COL11A1: variants seen among roughly 807,000 people sequenced by gnomAD.
COL11A1 encodes the protein collagen alpha-1(XI) chain.
Under a neutral mutation model 265.2 loss-of-function variants are expected in COL11A1, and 74 were observed. That is an observed-to-expected ratio of 0.28 (90% CI 0.23 to 0.34). COL11A1 has a LOEUF of 0.34. Ranked by LOEUF, COL11A1 falls within the 10% of genes least tolerant of loss-of-function variation. The pLI is 1.00. For synonymous variants in COL11A1, 816 were observed against 727.6 expected, an observed-to-expected ratio of 1.12 and a Z score of -1.96; for missense variants, 2,165 against 2,263.6, an observed-to-expected ratio of 0.96 and a Z score of 0.88.
intron 4 of COL11A1, among the ~76,000 whole-genome samples, chr1:103,051,594 G>T (rs962690329): frequency 1.3e-5 from 2 of 152,164 alleles, no homozygotes; most frequent in Non-Finnish European, 2.9e-5. Flanking sequence ...TATGCATGGT[G>T]CACTGCACCC....
At chr1:103,043,445 T>A (rs1668998552) in intron 4 of COL11A1, among the ~76,000 whole-genome samples, 2 of 151,932 alleles carry the variant, frequency 1.3e-5, no homozygotes. Flanking sequence ...GAATATAAAC[T>A]TCATGAGAGC....
rs964657601 is a variant in COL11A1 at position 102,987,907 on chromosome 1, G to A, written c.2395-167C>T. ...CTGGGCATGGAGCAAGCTAACATTGGGAGAAATGTACTTTATAGTTTAAAT... is the reference window on the plus strand; with the variant it reads ...CTGGGCATGGAGCAAGCTAACATTGAGAGAAATGTACTTTATAGTTTAAAT... On this transcript the variant is annotated intron_variant, in intron 29 of 66. Transcript: ENST00000370096. 2.6e-5 allele frequency among the ~76,000 whole-genome samples: 4 copies of A among 152,000 alleles called. No homozygotes were observed. In the East Asian group the frequency reaches 5.8e-4, roughly 22 times the overall value.
At chr1:102,958,489 A>G (rs953196630) in intron 41 of COL11A1, among the ~76,000 whole-genome samples, 2 of 152,176 alleles carry the variant, frequency 1.3e-5, no homozygotes, top group Non-Finnish European at 2.9e-5. Context: ...ATCAAATTTT[A>G]TGTGATGTAA....
intron 30 of COL11A1, among the ~76,000 whole-genome samples, chr1:102,984,875 A>G (rs2101719439): frequency 6.6e-6 from 1 of 152,176 alleles, no homozygotes; most frequent in South Asian, 2.1e-4. Flanking sequence ...TTCCAGTGCA[A>G]TAAGGTTACC....
chr1:102,987,494 C>T (rs919114128), intron 30 of COL11A1, 139 bp downstream of exon 30: 4 of 755,500 alleles, frequency 5.3e-6, no homozygotes, highest in Non-Finnish European at 6.8e-6. Context: ...GTAATGGTTG[C>T]AAATTTAAAA....
chr1:103,054,304 C>T (rs1311968649), intron 4 of COL11A1, among the ~76,000 whole-genome samples: 1 of 152,188 alleles, frequency 6.6e-6, no homozygotes, highest in African/African-American at 2.4e-5. Context: ...AACCAAAGAT[C>T]TACAGACAAG....
In COL11A1 at chr1:102,970,072, A is replaced by ATT; in HGVS notation, c.2862+146_2862+147insAA. 3 of 477,010 alleles carry ATT rather than the reference A, an allele frequency of 6.3e-6. No homozygotes were observed. In the East Asian group the frequency reaches 1.1e-4, roughly 18 times the overall value. The allele number at this position is 477,010 out of a possible 1,614,324, so 29.5% of individuals were successfully genotyped here. On this transcript the variant is annotated intron_variant, in intron 37 of 66. Coordinates refer to ENST00000370096, the MANE Select transcript of COL11A1 (RefSeq NM_001854.4). The stretch of plus-strand genomic sequence containing the variant: ...TATTTTTGTATTTATATATATATGT[A>ATT]TATTTCAATAAAAGGCTTAATGGAA...
intron 54 of COL11A1, among the ~76,000 whole-genome samples, chr1:102,909,089 T>A (rs1654340087): frequency 6.6e-6 from 1 of 152,320 alleles, no homozygotes; most frequent in Admixed American, 6.5e-5. Flanking sequence ...TTATTCCAAA[T>A]CTTGGCGGTA....
intron 1 of COL11A1, among the ~76,000 whole-genome samples, chr1:103,086,593 T>G (rs1672887541): frequency 6.6e-6 from 1 of 152,104 alleles, no homozygotes; most frequent in Non-Finnish European, 1.5e-5. Context: ...ATTTTTTGTA[T>G]TTTTAGTAGA....
At chr1:102,975,665 A>G (rs1474222809) in intron 35 of COL11A1, among the ~76,000 whole-genome samples, 2 of 152,142 alleles carry the variant, frequency 1.3e-5, no homozygotes, top group Non-Finnish European at 2.9e-5. Flanking sequence ...ATAATCCTCT[A>G]TATGCCCAGA....
intron 3 of COL11A1, among the ~76,000 whole-genome samples, chr1:103,075,461 T>G (rs562655630): frequency 6.6e-6 from 1 of 152,238 alleles, no homozygotes; most frequent in South Asian, 2.1e-4. Flanking sequence ...GAAAACATAG[T>G]CAACGCATGT....
intron 9 of COL11A1, among the ~76,000 whole-genome samples, chr1:103,021,185 T>C (rs1022970757): frequency 2.6e-5 from 4 of 151,286 alleles, no homozygotes; most frequent in African/African-American, 9.7e-5. Flanking sequence ...AGTAATAATA[T>C]TGATATAAAT....
chr1:103,020,774 T>C (rs1666983063), intron 9 of COL11A1, among the ~76,000 whole-genome samples: 1 of 128,426 alleles, frequency 7.8e-6, no homozygotes, highest in Admixed American at 7.8e-5. Flanking sequence ...GTATAAGGTG[T>C]AAGGAAGGGA....
rs112338852 is a variant in COL11A1, at chr1:102,955,162, C to T, written c.3168+6704G>A. On this transcript the variant is annotated intron_variant, in intron 41 of 66. Coordinates refer to ENST00000370096, the MANE Select transcript of COL11A1 (RefSeq NM_001854.4). Reference sequence around the variant, plus strand: ...ATGTATAGAGTCTGACTTGGCATGTCGGTACATGACATCCTTTTAAACCTT... The same window carrying T: ...ATGTATAGAGTCTGACTTGGCATGTTGGTACATGACATCCTTTTAAACCTT... 6.1e-3 allele frequency among the ~76,000 whole-genome samples: 925 copies of T among 151,930 alleles called. 11 individuals are homozygous for T. Among genetic ancestry groups the T allele is most frequent in the East Asian group, 0.027 (137 of 5,142 alleles).
In COL11A1 at chr1:102,924,596, A is replaced by C. The variant is rs189501841; in HGVS notation, c.3601-1207T>G. ...TAGGAACTAGCAGAGGAGCAATCAAAAATTAAAATGTTTGTTGAATGAATG... is the reference window on the plus strand; with the variant it reads ...TAGGAACTAGCAGAGGAGCAATCAACAATTAAAATGTTTGTTGAATGAATG... On this transcript the variant is annotated intron_variant, in intron 46 of 66. Transcript: ENST00000370096. Among the ~76,000 whole-genome samples, 22 of 152,322 alleles carry C rather than the reference A, an allele frequency of 1.4e-4. No homozygotes were observed. The East Asian group carries it at 4.2e-3, about 29-fold the overall frequency.
chr1:102,992,861 T>C (rs1388964992), intron 28 of COL11A1, among the ~76,000 whole-genome samples: 1 of 152,182 alleles, frequency 6.6e-6, no homozygotes, highest in East Asian at 1.9e-4. Flanking sequence ...GTTCCCAATT[T>C]AAAATTTTAC....
At chr1:102,979,827 G>A (rs1662866616) in intron 31 of COL11A1, among the ~76,000 whole-genome samples, 1 of 152,028 alleles carries the variant, frequency 6.6e-6, no homozygotes, top group African/African-American at 2.4e-5. Flanking sequence ...ATTAAAATAG[G>A]AATTTTAGAA....
chr1:103,064,708 A>G (rs1360296254), intron 4 of COL11A1, among the ~76,000 whole-genome samples: 2 of 151,220 alleles, frequency 1.3e-5, no homozygotes, highest in African/African-American at 2.4e-5. Flanking sequence ...AAGAAAAAAA[A>G]AAAAAAAGAG....
At chr1:102,938,008 A>G (rs1658327552) in intron 44 of COL11A1, among the ~76,000 whole-genome samples, 1 of 152,204 alleles carries the variant, frequency 6.6e-6, no homozygotes, top group Admixed American at 6.5e-5. Flanking sequence ...GTTTTGTTTC[A>G]CTGCATATAA....
Sources: gnomAD v4.1 joint callset for allele counts (sites outside exome capture counted in the v4.1 genomes callset) on GRCh38, gnomAD v4.1.1 for gene constraint, MANE v1.5 for transcripts, NCBI Gene and HGNC (gene_info 2026-07-23, HGNC 2026-07-21) for gene names.